ZNF407: variants seen among roughly 807,000 people sequenced by gnomAD.
ZNF407 encodes zinc finger protein 407.
A neutral mutation model predicts 131.2 loss-of-function variants in ZNF407; 17 were observed. The ratio of observed to expected loss-of-function variants is 0.13; its 90% CI spans 0.09 to 0.19. ZNF407 has a LOEUF of 0.19. Ranked by LOEUF, ZNF407 falls within the 10% of genes least tolerant of loss-of-function variation. ZNF407 has a pLI of 1.00. For missense variants in ZNF407, 2,681 were observed against 2,830.6 expected, an observed-to-expected ratio of 0.95 and a Z score of 1.20; for synonymous variants, 1,156 against 1,062.0, an observed-to-expected ratio of 1.09 and a Z score of -1.72.
chr18:74,972,715 A>G (rs1035969104), intron 8 of ZNF407, among the ~76,000 whole-genome samples: 5 of 152,162 alleles, frequency 3.3e-5, no homozygotes, highest in South Asian at 2.1e-4. Flanking sequence ...CCTATTGATT[A>G]TATTTGCATT....
At chr18:74,741,752 A>G (rs1968555549) in intron 3 of ZNF407, among the ~76,000 whole-genome samples, 1 of 152,066 alleles carries the variant, frequency 6.6e-6, no homozygotes, top group Non-Finnish European at 1.5e-5. Flanking sequence ...AAGAAGGGAT[A>G]CTCCTTGGCA....
intron 7 of ZNF407, among the ~76,000 whole-genome samples, chr18:74,914,252 C>G (rs1380267166): frequency 6.6e-6 from 1 of 152,222 alleles, no homozygotes. Context: ...GGTTCTTCCT[C>G]AGCGGAAAGC....
At chr18:74,729,307 T>C (rs1599105016) in intron 3 of ZNF407, among the ~76,000 whole-genome samples, 1 of 152,220 alleles carries the variant, frequency 6.6e-6, no homozygotes, top group East Asian at 1.9e-4. Context: ...GGAGGAGAAT[T>C]GCCTGTGAAA....
intron 1 of ZNF407, among the ~76,000 whole-genome samples, chr18:74,617,763 A>G (rs1983378259): frequency 6.6e-6 from 1 of 152,224 alleles, no homozygotes; most frequent in African/African-American, 2.4e-5. Flanking sequence ...TCCACTGGAC[A>G]GTTACTGAGA....
chr18:74,667,186 C>T (rs1985964071), intron 3 of ZNF407, among the ~76,000 whole-genome samples: 1 of 152,194 alleles, frequency 6.6e-6, no homozygotes, highest in Non-Finnish European at 1.5e-5. Flanking sequence ...TGTGCTGGGG[C>T]TGCTGCCTCT....
At chr18:74,908,833 T>C (rs1971630128) in intron 7 of ZNF407, among the ~76,000 whole-genome samples, 1 of 152,166 alleles carries the variant, frequency 6.6e-6, no homozygotes, top group Non-Finnish European at 1.5e-5. Context: ...GCAACATATA[T>C]GGAGGCTTAT....
intron 8 of ZNF407, among the ~76,000 whole-genome samples, chr18:75,045,064 G>T (rs1973417533): frequency 4.0e-5 from 6 of 151,252 alleles, no homozygotes; most frequent in Admixed American, 1.3e-4. Context: ...CTGGGTGTGG[G>T]GGGGTGTGGG....
intron 4 of ZNF407, among the ~76,000 whole-genome samples, chr18:74,876,566 T>A (rs1971159471): frequency 6.6e-6 from 1 of 151,702 alleles, no homozygotes. Flanking sequence ...ATTTTCAGTA[T>A]TTTTTTTTCA....
chr18:74,940,918 G>T (rs1972090677), intron 8 of ZNF407, among the ~76,000 whole-genome samples: 1 of 152,300 alleles, frequency 6.6e-6, no homozygotes, highest in East Asian at 1.9e-4. Context: ...TTCTTTGGTT[G>T]TTTGTTCTAT....
At chr18:74,779,109 A>ATTTTT (rs869191171) in intron 3 of ZNF407, among the ~76,000 whole-genome samples, 2 of 24,372 alleles carry the variant, frequency 8.2e-5, no homozygotes, top group African/African-American at 2.8e-4. Context: ...ATATATATAT[A>ATTTTT]TTTTTTTTTT....
At chr18:75,023,808 T>C (rs1206507148) in intron 8 of ZNF407, among the ~76,000 whole-genome samples, 1 of 152,228 alleles carries the variant, frequency 6.6e-6, no homozygotes, top group South Asian at 2.1e-4. Context: ...GGGAAACTCT[T>C]CTTTAGATTA....
chr18:74,979,325 A>G (rs116639343), intron 8 of ZNF407, among the ~76,000 whole-genome samples: 1,604 of 152,238 alleles, frequency 0.011, 27 homozygotes, highest in African/African-American at 0.036. Flanking sequence ...AAATATATAT[A>G]TAGTCGCCCA....
chr18:74,716,332 T>C lies in ZNF407; in HGVS notation c.4803-65096T>C, dbSNP rs544876305. 2.5e-4 allele frequency among the ~76,000 whole-genome samples: 38 copies of C among 152,376 alleles called. 1 individual carries two copies. Among genetic ancestry groups the C allele is most frequent in the African/African-American group, 8.7e-4 (36 of 41,592 alleles). ...ATGTTTTAACAGTACACAAGGCTTA[T>C]TTTATTCATTTGTTCTTATATTCCT... On this transcript the variant is annotated intron_variant, in intron 3 of 8. Coordinates refer to ENST00000299687, the MANE Select transcript of ZNF407 (RefSeq NM_017757.3).
intron 8 of ZNF407, among the ~76,000 whole-genome samples, chr18:74,978,200 A>G (rs982199534): frequency 6.6e-6 from 1 of 152,188 alleles, no homozygotes; most frequent in Non-Finnish European, 1.5e-5. Context: ...TAATGTGACC[A>G]AAGATTTGGA....
At chr18:75,017,584 G>C (rs1364494243) in intron 8 of ZNF407, among the ~76,000 whole-genome samples, 3 of 152,124 alleles carry the variant, frequency 2.0e-5, no homozygotes, top group Non-Finnish European at 4.4e-5. Context: ...AATCAGGTTG[G>C]TGCATAACAC....
intron 8 of ZNF407, among the ~76,000 whole-genome samples, chr18:75,033,306 T>C (rs550321341): frequency 1.3e-5 from 2 of 152,340 alleles, no homozygotes; most frequent in South Asian, 4.1e-4. Context: ...GAAGATAGTA[T>C]TAGATAACTA....
At chr18:74,866,436 A>G (rs1253987231) in intron 4 of ZNF407, among the ~76,000 whole-genome samples, 8 of 152,330 alleles carry the variant, frequency 5.3e-5, no homozygotes, top group African/African-American at 1.7e-4. Context: ...AGTCCAAGAC[A>G]ATGAAATGCC....
chr18:74,777,747 C>CA (rs1222817933), intron 3 of ZNF407, among the ~76,000 whole-genome samples: 332 of 86,344 alleles, frequency 3.8e-3, no homozygotes, highest in Admixed American at 0.012. Flanking sequence ...CTCTCTCTCT[C>CA]TCTCATTCAC....
At chr18:74,698,109 T>A (rs1213387135) in intron 3 of ZNF407, among the ~76,000 whole-genome samples, 2 of 152,224 alleles carry the variant, frequency 1.3e-5, no homozygotes, top group African/African-American at 4.8e-5. Flanking sequence ...AGCGATCTAT[T>A]ATTTTATTTG....
Sources: allele counts gnomAD v4.1 joint callset (sites outside exome capture counted in the v4.1 genomes callset), GRCh38; gene constraint gnomAD v4.1.1; transcripts MANE v1.5; gene names NCBI Gene and HGNC (gene_info 2026-07-23, HGNC 2026-07-21).